PDCD11: variants seen among roughly 807,000 people sequenced by gnomAD.
The protein encoded by PDCD11 is protein RRP5 homolog.
Under a neutral mutation model 198.9 loss-of-function variants are expected in PDCD11, and 97 were observed. The observed-to-expected ratio is 0.49, with a 90% CI of 0.41 to 0.58. PDCD11 has a LOEUF of 0.58. Ranked by LOEUF, PDCD11 falls within the 20% of genes least tolerant of loss-of-function variation. The pLI is 0.00. For missense variants in PDCD11, 2,102 were observed against 2,312.7 expected (o/e 0.91, Z 1.87); for synonymous variants, 893 against 918.0 (o/e 0.97, Z 0.49).
At position 103,398,535 on chromosome 10, in the gene PDCD11, A is replaced by T. The variant is rs1306903688; in HGVS notation, c.102+7A>T. 16 of 1,567,974 alleles carry T rather than the reference A, an allele frequency of 1.0e-5. No homozygotes were observed. The highest frequency in any genetic ancestry group is 8.8e-7 in the Non-Finnish European group (1 of 1,138,002). ...ACAAGACAACTTATTTGATGTAAGT[A>T]GTATGCTTGTTTGGTGACACTCACT... On this transcript the variant is annotated splice_region_variant and intron_variant, in intron 2 of 35. Transcript: ENST00000369797.
chr10:103,401,989 G>A (rs963465480), intron 3 of PDCD11, among the ~76,000 whole-genome samples: 11 of 152,084 alleles, frequency 7.2e-5, no homozygotes, highest in Admixed American at 1.3e-4. Context: ...TAATCTGCCC[G>A]CCTCCGCCTC....
Position 103,401,723 on chromosome 10 carries a change from C to T in PDCD11, c.234+1195C>T, listed in dbSNP as rs186833856. Among the ~76,000 whole-genome samples, 124 of 152,166 alleles carry T rather than the reference C, an allele frequency of 8.1e-4. 4 individuals carry two copies. The East Asian group carries it at 0.017, about 20-fold the overall frequency. On this transcript the variant is annotated intron_variant, in intron 3 of 35. Transcript: ENST00000369797. ...TTAAAAAAATTGTTAGACTTGGTGC[C>T]AACATTAGAAAACTAAAATTTTTTT...
At chr10:103,433,618 T>C (rs980900637) in intron 22 of PDCD11, among the ~76,000 whole-genome samples, 2 of 152,250 alleles carry the variant, frequency 1.3e-5, no homozygotes, top group African/African-American at 2.4e-5. Flanking sequence ...TAACAATCGC[T>C]GGGCACAGCT....
intron 2 of PDCD11, among the ~76,000 whole-genome samples, 180 bp from the exon 3 acceptor site, chr10:103,400,215 CGG>C (rs765465630): frequency 0.041 from 5,761 of 141,108 alleles, 173 homozygotes; most frequent in Middle Eastern, 0.06. Flanking sequence ...GGAACATTGG[CGG>C]CCCCCCCCCT....
chr10:103,411,811 G>C (rs1352244640), intron 8 of PDCD11, among the ~76,000 whole-genome samples: 1 of 151,972 alleles, frequency 6.6e-6, no homozygotes, highest in Non-Finnish European at 1.5e-5. Flanking sequence ...ATAGAGTTGA[G>C]ACATTTTACA....
chr10:103,437,950 T>C, intron 25 of PDCD11, 65 bp from the exon 26 acceptor site: 1 of 1,312,058 alleles, frequency 7.6e-7, no homozygotes. Flanking sequence ...GAGAGGAAGC[T>C]GAGACCCTTT....
chr10:103,440,020 C>T (rs2032311636), intron 28 of PDCD11, 152 bp downstream of exon 28: 1 of 1,022,268 alleles, frequency 9.8e-7, no homozygotes, highest in South Asian at 1.6e-5. Flanking sequence ...GAACCTTCTC[C>T]CCCAGTGCCT....
chr10:103,432,001 C>T (rs1345228561), intron 21 of PDCD11, 128 bp from the exon 22 acceptor site: 3 of 657,244 alleles, frequency 4.6e-6, no homozygotes, highest in Non-Finnish European at 2.8e-6. Context: ...AGAGAAACGG[C>T]CTTGGAGGGT....
intron 17 of PDCD11, among the ~76,000 whole-genome samples, chr10:103,422,016 T>C (rs988044612): frequency 6.8e-6 from 1 of 148,144 alleles, no homozygotes; most frequent in African/African-American, 2.5e-5. Context: ...GGGTTAACTT[T>C]TTTTTTAATG....
chr10:103,405,823 T>C (rs1351447397), intron 5 of PDCD11, among the ~76,000 whole-genome samples, 162 bp from the exon 6 acceptor site: 2 of 152,216 alleles, frequency 1.3e-5, no homozygotes, highest in East Asian at 3.8e-4. Flanking sequence ...GAGTGTTGAA[T>C]TTGATGTCTG....
intron 16 of PDCD11, among the ~76,000 whole-genome samples, chr10:103,419,953 CTT>C (rs35847749): frequency 1.0e-5 from 1 of 97,370 alleles, no homozygotes. Flanking sequence ...ACATGCCAGG[CTT>C]TTTTTTTTTT....
At position 103,440,562 on chromosome 10, in the gene PDCD11, G is replaced by A. The variant is rs761369588; in HGVS notation, c.4421G>A (p.Arg1474Gln). Residue 1474 changes from arginine (R) to glutamine (Q), a missense_variant, in exon 29 of 36, where the codon CGG becomes CAG. By Grantham distance (43) the Arg-to-Gln change is conservative. Transcript: ENST00000369797. ...QAQKRGGREC[R>Q]ESGSEQERVS... ...CAGAAGCGGGGCGGGCGGGAGTGCCGGGAGTCTGGGAGTGAGCAGGTGAGG... is the reference window on the plus strand; with the variant it reads ...CAGAAGCGGGGCGGGCGGGAGTGCCAGGAGTCTGGGAGTGAGCAGGTGAGG... 10 of 1,611,132 alleles carry A rather than the reference G, an allele frequency of 6.2e-6. No individual in the cohort carries two copies. The highest frequency in any genetic ancestry group is 2.1e-4 in the Middle Eastern group (1 of 4,872).
intron 20 of PDCD11, 56 bp from the exon 21 acceptor site, chr10:103,427,273 C>A: frequency 1.3e-6 from 2 of 1,491,474 alleles, no homozygotes; most frequent in Non-Finnish European, 1.9e-6. Context: ...TCCTGACCTA[C>A]AGATTACTGT....
intron 21 of PDCD11, among the ~76,000 whole-genome samples, chr10:103,431,044 C>T (rs1387134871): frequency 6.6e-6 from 1 of 152,026 alleles, no homozygotes; most frequent in East Asian, 1.9e-4. Context: ...AGGTGATCCA[C>T]CCGCCTTGGC....
At chr10:103,411,360 A>T (rs1021413204) in intron 8 of PDCD11, among the ~76,000 whole-genome samples, 22 of 152,118 alleles carry the variant, frequency 1.4e-4, no homozygotes, top group African/African-American at 1.2e-4. Context: ...TGCTATAGAT[A>T]ATTTATTTAT....
chr10:103,432,261 A>C (rs1393604845), intron 22 of PDCD11, 27 bp downstream of exon 22: 1 of 1,427,874 alleles, frequency 7.0e-7, no homozygotes, highest in South Asian at 1.1e-5. Flanking sequence ...CTCGGCAATG[A>C]GATGTCATTC....
intron 16 of PDCD11, among the ~76,000 whole-genome samples, chr10:103,420,405 C>G (rs1046773757): frequency 6.6e-6 from 1 of 152,066 alleles, no homozygotes; most frequent in African/African-American, 2.4e-5. Context: ...GTTAAGGGAC[C>G]AGAATGTCTT....
intron 22 of PDCD11, among the ~76,000 whole-genome samples, chr10:103,433,341 A>G (rs1443185670): frequency 2.0e-5 from 3 of 152,144 alleles, no homozygotes; most frequent in African/African-American, 7.2e-5. Flanking sequence ...CTAAAAATAC[A>G]AAAATTTAGC....
At chr10:103,441,701 AGAG>A in intron 30 of PDCD11, 122 bp from the exon 31 acceptor site, 3 of 776,552 alleles carry the variant, frequency 3.9e-6, no homozygotes, top group Non-Finnish European at 6.4e-6. Flanking sequence ...GCCTAGGAGG[AGAG>A]GAGAGGAGAG....
Sources: gnomAD v4.1 joint callset for allele counts (sites outside exome capture counted in the v4.1 genomes callset) on GRCh38, gnomAD v4.1.1 for gene constraint, MANE v1.5 for transcripts, NCBI Gene and HGNC (gene_info 2026-07-23, HGNC 2026-07-21) for gene names.